Variants in GUCA1C observed in about 807,000 individuals in gnomAD.
GUCA1C encodes guanylyl cyclase-activating protein 3.
In GUCA1C, 15 loss-of-function variants were observed where a neutral mutation model predicts 16.2. The ratio of observed to expected loss-of-function variants is 0.93; its 90% CI spans 0.62 to 1.43. GUCA1C has a LOEUF of 1.43. Ranked by LOEUF, GUCA1C falls within the 40% of genes most tolerant of loss-of-function variation. The probability of loss-of-function intolerance (pLI) is 0.00; values close to 1 mark genes in which losing one functional copy is unlikely to be tolerated. For missense variants in GUCA1C, 275 were observed against 244.8 expected, an observed-to-expected ratio of 1.12 and a Z score of -0.82; for synonymous variants, 78 against 85.4, an observed-to-expected ratio of 0.91 and a Z score of 0.48.
At chr3:108,939,233 T>C (rs540093392) in intron 1 of GUCA1C, among the ~76,000 whole-genome samples, 98 of 150,664 alleles carry the variant, frequency 6.5e-4, no homozygotes, top group Middle Eastern at 6.9e-3. Flanking sequence ...CCTTAATGAA[T>C]AGAAGAGGTG....
intron 1 of GUCA1C, among the ~76,000 whole-genome samples, chr3:108,922,178 CACACACACACACACACACACACACAT>C (rs1434674546): frequency 4.5e-4 from 39 of 86,194 alleles, no homozygotes; most frequent in African/African-American, 3.5e-4. Context: ...CACACACACA[CACACACACACACACACACACACACAT>C]ATATATATGG....
Position 108,953,582 on chromosome 3 carries a change from A to T in GUCA1C, c.181T>A (p.Tyr61Asn). The change falls in exon 1 of 4, where the codon TAT becomes AAT. Residue 61 changes from tyrosine to asparagine, a missense_variant. Physicochemically the swap from Tyr to Asn is moderately radical, Grantham distance 143. Transcript: ENST00000261047. ...ACCTTGTTCGTGTCAAAGGTATTAT[A>T]AACTTGATCAATATGTTTATTGGCC... ...QKANKHIDQV[Y>N]NTFDTNKDGF... The T allele has an allele frequency of 6.2e-7, 1 of 1,609,036 alleles. No individual in the cohort carries two copies. The highest frequency in any genetic ancestry group is 8.5e-7 in the Non-Finnish European group (1 of 1,175,412).
intron 1 of GUCA1C, among the ~76,000 whole-genome samples, chr3:108,950,610 C>A (rs1007495533): frequency 6.6e-6 from 1 of 151,990 alleles, no homozygotes; most frequent in Non-Finnish European, 1.5e-5. Flanking sequence ...GTGTGATTAG[C>A]AAAAAATATT....
At chr3:108,947,339 G>T (rs1425795463) in intron 1 of GUCA1C, among the ~76,000 whole-genome samples, 1 of 152,154 alleles carries the variant, frequency 6.6e-6, no homozygotes, top group Non-Finnish European at 1.5e-5. Flanking sequence ...TCACGTTTGA[G>T]TAGGCTGAGG....
At chr3:108,924,265 T>G (rs1946598413) in intron 1 of GUCA1C, among the ~76,000 whole-genome samples, 1 of 152,188 alleles carries the variant, frequency 6.6e-6, no homozygotes, top group Non-Finnish European at 1.5e-5. Context: ...TTCAGTATGA[T>G]GTTGGCTGTG....
chr3:108,927,481 T>G (rs1946633561), intron 1 of GUCA1C, among the ~76,000 whole-genome samples: 1 of 150,526 alleles, frequency 6.6e-6, no homozygotes, highest in Non-Finnish European at 1.5e-5. Flanking sequence ...TCAAAAGCCT[T>G]GTCTTTGAGC....
chr3:108,918,352 G>A (rs564619184), intron 2 of GUCA1C, among the ~76,000 whole-genome samples: 1 of 152,286 alleles, frequency 6.6e-6, no homozygotes, highest in African/African-American at 2.4e-5. Flanking sequence ...CTCTCACAGT[G>A]TTCCATGCCT....
At chr3:108,952,522 T>C (rs1168280311) in intron 1 of GUCA1C, among the ~76,000 whole-genome samples, 1 of 152,220 alleles carries the variant, frequency 6.6e-6, no homozygotes, top group Admixed American at 6.5e-5. Flanking sequence ...AAAACAGCTG[T>C]TAATTTTGCA....
At chr3:108,944,490 G>A (rs771391175) in intron 1 of GUCA1C, among the ~76,000 whole-genome samples, 1 of 152,134 alleles carries the variant, frequency 6.6e-6, no homozygotes, top group Non-Finnish European at 1.5e-5. Flanking sequence ...GTCAGTAAGG[G>A]GAGGGTCTTA....
chr3:108,937,926 C>T (rs141109176), intron 1 of GUCA1C, among the ~76,000 whole-genome samples: 5 of 152,066 alleles, frequency 3.3e-5, no homozygotes, highest in East Asian at 1.9e-4. Context: ...CAAAACTTAG[C>T]GGGGCGTGGT....
chr3:108,937,708 CAA>C (rs1328479248), intron 1 of GUCA1C, among the ~76,000 whole-genome samples: 1 of 152,176 alleles, frequency 6.6e-6, no homozygotes, highest in Non-Finnish European at 1.5e-5. Context: ...ACAGTGTTAA[CAA>C]AGAGTTCTAA....
chr3:108,932,443 A>G (rs1160710239), intron 1 of GUCA1C, among the ~76,000 whole-genome samples: 1 of 151,938 alleles, frequency 6.6e-6, no homozygotes, highest in African/African-American at 2.4e-5. Context: ...TTGGAGAACC[A>G]TGGACCTAAG....
intron 3 of GUCA1C, chr3:108,915,911 C>T (rs1946505061): frequency 9.0e-6 from 5 of 555,576 alleles, no homozygotes; most frequent in South Asian, 3.0e-5. Context: ...TTTATATATC[C>T]CAACATGTCA....
In GUCA1C at chr3:108,909,943, T is replaced by C. The variant is rs577342306; in HGVS notation, c.443-1734A>G. Among the ~76,000 whole-genome samples the C allele has an allele frequency of 2.0e-5, 3 of 152,302 alleles. No individual in the cohort carries two copies. The South Asian group carries it at 6.2e-4, about 32-fold the overall frequency. The stretch of plus-strand genomic sequence containing the variant: ...AACATTCATTCATTTATTCATCATG[T>C]TTATTAAGCCCTAACCACAATTACC... On this transcript the variant is annotated intron_variant, in intron 3 of 3. Coordinates refer to ENST00000261047, the MANE Select transcript of GUCA1C (RefSeq NM_005459.4).
At chr3:108,940,322 A>G (rs997500742) in intron 1 of GUCA1C, among the ~76,000 whole-genome samples, 2 of 152,224 alleles carry the variant, frequency 1.3e-5, no homozygotes, top group African/African-American at 4.8e-5. Flanking sequence ...TATAGGTTGC[A>G]GGGTAGCCAC....
At chr3:108,935,982 A>C (rs917353183) in intron 1 of GUCA1C, among the ~76,000 whole-genome samples, 12 of 152,064 alleles carry the variant, frequency 7.9e-5, no homozygotes, top group African/African-American at 2.9e-4. Context: ...GGCTTATATG[A>C]GGTGGGGTGT....
At chr3:108,908,352 T>TAAAAAAAAAAAAAAAA (rs1468970590) in intron 3 of GUCA1C, 143 bp from the exon 4 acceptor site, 1 of 346,658 alleles carries the variant, frequency 2.9e-6, no homozygotes, top group African/African-American at 2.8e-5. Flanking sequence ...GATCTTCATT[T>TAAAAAAAAAAAAAAAA]AAACAAAAAA....
In GUCA1C at chr3:108,918,803, A is replaced by G. The variant is rs151335894; in HGVS notation, c.354+1633T>C. 7.1e-3 allele frequency among the ~76,000 whole-genome samples: 1,087 copies of G among 152,214 alleles called. 16 individuals carry two copies. The highest frequency in any genetic ancestry group is 0.025 in the African/African-American group (1,043 of 41,520). ...CCTTGCTGATTTTTTTCACCTGCCC[A>G]TTATATAGAAAGTGTGTTCCTAGGC... On this transcript the variant is annotated intron_variant, in intron 2 of 3. Transcript: ENST00000261047.
At chr3:108,932,169 C>T (rs1013621545) in intron 1 of GUCA1C, among the ~76,000 whole-genome samples, 11 of 151,676 alleles carry the variant, frequency 7.3e-5, no homozygotes, top group African/African-American at 1.9e-4. Flanking sequence ...CTTAAGCTCA[C>T]GTTTCCGTAG....
Sources: allele counts gnomAD v4.1 joint callset (sites outside exome capture counted in the v4.1 genomes callset), GRCh38; gene constraint gnomAD v4.1.1; transcripts MANE v1.5; gene names NCBI Gene and HGNC (gene_info 2026-07-23, HGNC 2026-07-21).